The following PNOC variants were observed in gnomAD, a reference collection of about 807,000 sequenced individuals.
PNOC encodes the protein prepronociceptin, also known as nociceptin.
Under a neutral mutation model 15.6 loss-of-function variants are expected in PNOC, and 10 were observed. The ratio of observed to expected loss-of-function variants is 0.64; its 90% CI spans 0.40 to 1.09. The LOEUF is 1.09. Ranked by LOEUF, PNOC falls within the 50% of genes least tolerant of loss-of-function variation. The pLI is 0.01. For missense variants in PNOC, 220 were observed against 223.9 expected (o/e 0.98, Z 0.11); for synonymous variants, 98 against 88.5 (o/e 1.11, Z -0.60).
At position 28,330,400 on chromosome 8, in the gene PNOC, T is replaced by TATTTATTTTTTTTTTTTTA. The variant is rs1431540071; in HGVS notation, c.126+1117_126+1118insATTTATTTTTTTTTTTTTA. On this transcript the variant is annotated intron_variant, in intron 2 of 3. Coordinates refer to ENST00000301908, the MANE Select transcript of PNOC (RefSeq NM_006228.5). ...TATTTTATTTTATTTTATTTTATTT[T>TATTTATTTTTTTTTTTTTA]TTTTTTTTTTTTGAGACGGAGTCTT... Among the ~76,000 whole-genome samples, 68 of 102,244 alleles carry TATTTATTTTTTTTTTTTTA rather than the reference T, an allele frequency of 6.7e-4. 3 individuals carry two copies. In the South Asian group the frequency reaches 0.011, roughly 17 times the overall value. The allele number at this position is 102,244 out of a possible 152,430, so 67.1% of individuals were successfully genotyped here.
At chr8:28,324,067 C>T (rs1231622979) in intron 1 of PNOC, among the ~76,000 whole-genome samples, 3 of 152,100 alleles carry the variant, frequency 2.0e-5, no homozygotes, top group Non-Finnish European at 4.4e-5. Flanking sequence ...GGTTGGAGTC[C>T]GAAAGGTAGA....
intron 2 of PNOC, among the ~76,000 whole-genome samples, chr8:28,336,757 A>G (rs1774449710): frequency 6.6e-6 from 1 of 152,034 alleles, no homozygotes; most frequent in Non-Finnish European, 1.5e-5. Flanking sequence ...ACAGTGGCAA[A>G]GACCAGAGAT....
chr8:28,339,105 C>A lies in PNOC; in HGVS notation c.192C>A (p.Val64=), dbSNP rs748233371. 10 of 1,608,990 alleles carry A rather than the reference C, an allele frequency of 6.2e-6. No homozygotes were observed. Among genetic ancestry groups the A allele is most frequent in the South Asian group, 4.4e-5 (4 of 91,006 alleles). ...PSPLWTPCTK[V]MARSSWQLSP... ...CCCTCTGGACTCCATGCACCAAGGT[C>A]ATGGCCAGGAGCTCTTGGCAGCTCA... The change falls in exon 3 of 4, where the codon GTC becomes GTA. Residue 64 remains valine (V), a synonymous_variant. Coordinates refer to ENST00000301908, the MANE Select transcript of PNOC (RefSeq NM_006228.5).
At chr8:28,320,092 CTTTTTTTTT>C (rs34876964) in intron 1 of PNOC, among the ~76,000 whole-genome samples, 11 of 29,726 alleles carry the variant, frequency 3.7e-4, no homozygotes, top group East Asian at 2.3e-3. Context: ...TTCTTTCTTT[CTTTTTTTTT>C]TTTTTTTTTT....
chr8:28,341,754 T>A (rs1801521992), intron 3 of PNOC, among the ~76,000 whole-genome samples: 1 of 152,202 alleles, frequency 6.6e-6, no homozygotes, highest in Non-Finnish European at 1.5e-5. Flanking sequence ...CCAGCTCATT[T>A]GGGTATTATT....
At position 28,330,391 on chromosome 8, in the gene PNOC, A is replaced by ATT. The variant is rs200641227; in HGVS notation, c.126+1111_126+1112dup. Among the ~76,000 whole-genome samples, 482 of 76,028 alleles carry ATT rather than the reference A, an allele frequency of 6.3e-3. 12 individuals carry two copies. Among genetic ancestry groups the ATT allele is most frequent in the South Asian group, 0.019 (43 of 2,266 alleles). The allele number at this position is 76,028 out of a possible 152,430, so 49.9% of individuals were successfully genotyped here. A position where few individuals can be genotyped will look rare whatever the true frequency, so the allele number is the denominator to read the frequency against. The stretch of plus-strand genomic sequence containing the variant: ...ATTTTATTTTATTTTATTTTATTTT[A>ATT]TTTTATTTTTTTTTTTTTTTTGAGA... On this transcript the variant is annotated intron_variant, in intron 2 of 3. Transcript: ENST00000301908.
At chr8:28,341,187 T>C (rs73570769) in intron 3 of PNOC, among the ~76,000 whole-genome samples, 3,714 of 152,310 alleles carry the variant, frequency 0.024, 161 homozygotes, top group African/African-American at 0.086. Flanking sequence ...GCCCACACTT[T>C]AGCATGGAGA....
intron 1 of PNOC, among the ~76,000 whole-genome samples, chr8:28,328,730 C>T (rs752326235): frequency 5.9e-5 from 9 of 152,152 alleles, no homozygotes; most frequent in Non-Finnish European, 1.2e-4. Context: ...AAAACTGAGG[C>T]TCAAAGTGGT....
At chr8:28,320,716 C>T (rs1326555179) in intron 1 of PNOC, among the ~76,000 whole-genome samples, 12 of 151,710 alleles carry the variant, frequency 7.9e-5, no homozygotes, top group South Asian at 2.1e-4. Flanking sequence ...CTGGGCGTGG[C>T]GGTGGGCGCC....
intron 2 of PNOC, among the ~76,000 whole-genome samples, chr8:28,330,404 T>TATTTTTTTTATTTTTATTTTTA (rs1563328724): frequency 7.5e-6 from 1 of 133,292 alleles, no homozygotes; most frequent in African/African-American, 2.7e-5. Context: ...TTATTTTTTT[T>TATTTTTTTTATTTTTATTTTTA]TTTTTTTTGA....
At chr8:28,337,571 ATTACGTTTCC>A (rs1040984358) in intron 2 of PNOC, among the ~76,000 whole-genome samples, 1 of 138,466 alleles carries the variant, frequency 7.2e-6, no homozygotes, top group Non-Finnish European at 1.5e-5. Context: ...AAGTTCTGGG[ATTACGTTTCC>A]TTTTTTTTTT....
At chr8:28,330,396 A>T (rs56134512) in intron 2 of PNOC, among the ~76,000 whole-genome samples, 21,076 of 80,368 alleles carry the variant, frequency 0.26, 3,370 homozygotes, top group Non-Finnish European at 0.35. Flanking sequence ...ATTTTATTTT[A>T]TTTTTTTTTT....
At chr8:28,324,240 C>T (rs1801189945) in intron 1 of PNOC, among the ~76,000 whole-genome samples, 1 of 152,190 alleles carries the variant, frequency 6.6e-6, no homozygotes, top group Admixed American at 6.5e-5. Context: ...ATACCTCGCC[C>T]TTAAATCCCA....
intron 3 of PNOC, among the ~76,000 whole-genome samples, chr8:28,341,123 G>A (rs1047224279): frequency 3.9e-5 from 6 of 152,222 alleles, no homozygotes; most frequent in East Asian, 1.9e-4. Context: ...AGAGGTAGCC[G>A]TGTCACTAAT....
At chr8:28,334,843 T>G (rs1801386652) in intron 2 of PNOC, among the ~76,000 whole-genome samples, 1 of 152,186 alleles carries the variant, frequency 6.6e-6, no homozygotes, top group Non-Finnish European at 1.5e-5. Context: ...TTCATTGTTC[T>G]TAAGGCAGCC....
Position 28,323,995 on chromosome 8 carries a change from G to C in PNOC, c.-23-5140G>C, listed in dbSNP as rs79076768. On this transcript the variant is annotated intron_variant, in intron 1 of 3. Coordinates refer to ENST00000301908, the MANE Select transcript of PNOC (RefSeq NM_006228.5). ...GAATGGATAGCATTGAATATGGATGGCTCCTCAAATAATCAGTGGAGTCAA... is the reference window on the plus strand; with the variant it reads ...GAATGGATAGCATTGAATATGGATGCCTCCTCAAATAATCAGTGGAGTCAA... 8.1e-3 allele frequency among the ~76,000 whole-genome samples: 1,232 copies of C among 152,312 alleles called. 9 individuals are homozygous for C. The highest frequency in any genetic ancestry group is 0.013 in the Non-Finnish European group (854 of 68,028).
chr8:28,339,478 A>C lies in PNOC; in HGVS notation c.*34A>C. 2 of 1,503,772 alleles carry C rather than the reference A, an allele frequency of 1.3e-6. No homozygotes were observed. Among genetic ancestry groups the C allele is most frequent in the Non-Finnish European group, 1.8e-6 (2 of 1,127,488 alleles). 93.2% of individuals were successfully genotyped at this position (1,503,772 alleles called of 1,614,324 possible). A position where few individuals can be genotyped will look rare whatever the true frequency, so the allele number is the denominator to read the frequency against. ...GGCGCTCCTCCCAGCTGTACCGGCC[A>C]CTGCAACCCATGAGTGAGTTGGGCA... On this transcript the variant is annotated 3_prime_UTR_variant, in exon 3 of 4. Transcript: ENST00000301908.
chr8:28,333,615 A>T (rs923355824), intron 2 of PNOC, among the ~76,000 whole-genome samples: 3 of 152,224 alleles, frequency 2.0e-5, no homozygotes, highest in African/African-American at 7.2e-5. Context: ...CTAACAGTGC[A>T]TCAAGTCTGG....
chr8:28,338,438 C>T (rs554910435), intron 2 of PNOC, among the ~76,000 whole-genome samples: 1 of 152,138 alleles, frequency 6.6e-6, no homozygotes, highest in Non-Finnish European at 1.5e-5. Context: ...CAGCCCCGCA[C>T]GTCCAGCCGG....
Sources: gnomAD v4.1 joint callset for allele counts (sites outside exome capture counted in the v4.1 genomes callset) on GRCh38, gnomAD v4.1.1 for gene constraint, MANE v1.5 for transcripts, NCBI Gene and HGNC (gene_info 2026-07-23, HGNC 2026-07-21) for gene names.